The following CNTN5 variants were observed in gnomAD, a reference collection of about 807,000 sequenced individuals.
CNTN5 encodes the protein contactin 5, also known as contactin-5.
Under a neutral mutation model 129.1 loss-of-function variants are expected in CNTN5, and 77 were observed. The ratio of observed to expected loss-of-function variants is 0.60; its 90% confidence interval spans 0.50 to 0.72. The LOEUF (loss-of-function observed/expected upper bound fraction) is 0.72. Ranked by LOEUF, CNTN5 falls within the 30% of genes least tolerant of loss-of-function variation. CNTN5 has a pLI of 0.00. For missense variants in CNTN5, 1,478 were observed against 1,328.8 expected, an observed-to-expected ratio of 1.11 and a Z score of -1.75; for synonymous variants, 509 against 465.6, an observed-to-expected ratio of 1.09 and a Z score of -1.20.
At chr11:99,187,989 A>T (rs1858439228) in intron 1 of CNTN5, among the ~76,000 whole-genome samples, 1 of 151,870 alleles carries the variant, frequency 6.6e-6, no homozygotes, top group Admixed American at 6.6e-5. Context: ...GAGCAAATGA[A>T]AATATACATA....
chr11:99,553,141 G>C (rs1367096266), intron 2 of CNTN5, among the ~76,000 whole-genome samples: 2 of 152,146 alleles, frequency 1.3e-5, no homozygotes, highest in African/African-American at 2.4e-5. Context: ...TTCTTTGAAT[G>C]TAATAGTTGA....
chr11:99,893,389 T>A (rs1190727139), intron 6 of CNTN5, among the ~76,000 whole-genome samples: 1 of 152,200 alleles, frequency 6.6e-6, no homozygotes, highest in East Asian at 1.9e-4. Flanking sequence ...GAAAGATTTT[T>A]AAATTTGTTA....
chr11:99,470,542 G>C (rs1471198768), intron 2 of CNTN5, among the ~76,000 whole-genome samples: 1 of 151,824 alleles, frequency 6.6e-6, no homozygotes, highest in Non-Finnish European at 1.5e-5. Flanking sequence ...GTTCTATACT[G>C]GTTCATTTTT....
intron 9 of CNTN5, among the ~76,000 whole-genome samples, chr11:100,007,929 T>A (rs573616886): frequency 3.4e-4 from 51 of 152,190 alleles, no homozygotes; most frequent in African/African-American, 1.2e-3. Context: ...TCCTTTCACT[T>A]GAACACTTAG....
At chr11:99,093,754 T>C (rs1689564977) in intron 1 of CNTN5, among the ~76,000 whole-genome samples, 1 of 152,014 alleles carries the variant, frequency 6.6e-6, no homozygotes, top group Admixed American at 6.6e-5. Flanking sequence ...TAATATATCA[T>C]TCTATTTTTA....
intron 2 of CNTN5, among the ~76,000 whole-genome samples, chr11:99,427,532 C>T (rs1042451497): frequency 6.6e-5 from 10 of 151,832 alleles, no homozygotes; most frequent in Middle Eastern, 3.2e-3. Context: ...TTTGGGAGGC[C>T]GAGGCGGGCG....
intron 1 of CNTN5, among the ~76,000 whole-genome samples, chr11:99,253,172 G>A (rs1001535595): frequency 6.6e-6 from 1 of 152,014 alleles, no homozygotes; most frequent in East Asian, 1.9e-4. Flanking sequence ...GATAAGTAGT[G>A]AATAAGTCTC....
At chr11:99,377,961 C>T (rs11219677) in intron 2 of CNTN5, among the ~76,000 whole-genome samples, 5,545 of 152,130 alleles carry the variant, frequency 0.036, 181 homozygotes, top group East Asian at 0.15. Context: ...GAAAGGAAAC[C>T]TTGCTTTGTT....
chr11:99,755,698 CT>C (rs1944384043), intron 3 of CNTN5, among the ~76,000 whole-genome samples: 1 of 151,918 alleles, frequency 6.6e-6, no homozygotes, highest in African/African-American at 2.4e-5. Context: ...TCTTTCATAG[CT>C]TTTTCATTCT....
intron 10 of CNTN5, among the ~76,000 whole-genome samples, chr11:100,067,626 G>A (rs1382591370): frequency 1.3e-5 from 2 of 152,014 alleles, no homozygotes; most frequent in African/African-American, 2.4e-5. Flanking sequence ...TCTTTTATCT[G>A]CCAATAATTG....
intron 1 of CNTN5, among the ~76,000 whole-genome samples, chr11:99,097,528 T>C (rs190069870): frequency 9.9e-5 from 15 of 152,038 alleles, no homozygotes; most frequent in South Asian, 4.1e-4. Context: ...CCATACATAA[T>C]ACAATTTTGT....
chr11:99,902,801 A>G (rs963279590), intron 6 of CNTN5, among the ~76,000 whole-genome samples: 1 of 152,190 alleles, frequency 6.6e-6, no homozygotes, highest in Non-Finnish European at 1.5e-5. Flanking sequence ...TTTACATACT[A>G]GTTGAGCCTA....
At chr11:99,829,860 G>A (rs957265126) in intron 4 of CNTN5, among the ~76,000 whole-genome samples, 3 of 152,084 alleles carry the variant, frequency 2.0e-5, no homozygotes, top group East Asian at 1.9e-4. Flanking sequence ...ACACATGCAG[G>A]ATATATGCTT....
At chr11:99,236,319 A>G (rs1861258052) in intron 1 of CNTN5, among the ~76,000 whole-genome samples, 1 of 152,160 alleles carries the variant, frequency 6.6e-6, no homozygotes, top group South Asian at 2.1e-4. Flanking sequence ...GATAAGTACC[A>G]ATGTATAGAT....
chr11:99,538,150 T>C (rs1947967981), intron 2 of CNTN5, among the ~76,000 whole-genome samples: 2 of 152,202 alleles, frequency 1.3e-5, no homozygotes, highest in African/African-American at 2.4e-5. Flanking sequence ...TTTTAAAATA[T>C]GCAGTGTTCA....
chr11:99,190,702 G>T (rs1247879999), intron 1 of CNTN5, among the ~76,000 whole-genome samples: 2 of 151,266 alleles, frequency 1.3e-5, no homozygotes. Flanking sequence ...CAATGTTAGT[G>T]GATAGAAATG....
chr11:99,208,872 T>G (rs1416648740), intron 1 of CNTN5, among the ~76,000 whole-genome samples: 5 of 152,156 alleles, frequency 3.3e-5, no homozygotes, highest in East Asian at 1.9e-4. Context: ...ATAAAATGCC[T>G]TGTTTATTAA....
chr11:100,125,056 G>A (rs1946139834), intron 13 of CNTN5, among the ~76,000 whole-genome samples: 1 of 151,972 alleles, frequency 6.6e-6, no homozygotes, highest in South Asian at 2.1e-4. Flanking sequence ...CTATTGGTCT[G>A]GGACACCATC....
chr11:99,523,144 G>A (rs183782386), intron 2 of CNTN5, among the ~76,000 whole-genome samples: 5 of 151,996 alleles, frequency 3.3e-5, no homozygotes, highest in Admixed American at 1.3e-4. Context: ...CTTTTACCCC[G>A]TACAGCCTTT....
Sources: gnomAD v4.1 joint callset for allele counts (sites outside exome capture counted in the v4.1 genomes callset) on GRCh38, gnomAD v4.1.1 for gene constraint, MANE v1.5 for transcripts, NCBI Gene and HGNC (gene_info 2026-07-23, HGNC 2026-07-21) for gene names.